Variants in PDS5B observed in about 807,000 individuals in gnomAD.
PDS5B encodes sister chromatid cohesion protein PDS5 homolog B.
In PDS5B, 51 loss-of-function variants were observed where a neutral mutation model predicts 184.1. That is an observed-to-expected ratio of 0.28 (90% CI 0.22 to 0.35). The LOEUF (loss-of-function observed/expected upper bound fraction) is 0.35, where lower values mean the gene tolerates loss of function less well. Ranked by LOEUF, PDS5B falls within the 10% of genes least tolerant of loss-of-function variation. PDS5B has a pLI of 1.00. For synonymous variants in PDS5B, 566 were observed against 569.2 expected (o/e 0.99, Z 0.08); for missense variants, 1,180 against 1,723.3 (o/e 0.68, Z 5.58).
intron 15 of PDS5B, among the ~76,000 whole-genome samples, chr13:32,698,728 A>T (rs1267037579): frequency 6.6e-6 from 1 of 151,676 alleles, no homozygotes; most frequent in African/African-American, 2.4e-5. Context: ...TCGAATTTCT[A>T]CTACTATTTC....
chr13:32,760,594 T>C lies in PDS5B; in HGVS notation c.3392T>C (p.Leu1131Pro). 1 of 1,614,016 alleles carries C rather than the reference T, an allele frequency of 6.2e-7. No homozygotes were observed. Among genetic ancestry groups the C allele is most frequent in the Non-Finnish European group, 8.5e-7 (1 of 1,179,916 alleles). The stretch of plus-strand genomic sequence containing the variant: ...TTTCAGCCTAAAACAACCAATGTTC[T>C]AGGAGCTGTTAACAAGCCACTTTCA... ...TPGKPKTTNVLGAVNKPLSSA... is the reference protein window; with the variant it reads ...TPGKPKTTNVPGAVNKPLSSA... The change falls in exon 30 of 35, where the codon CTA (leucine) becomes CCA (proline). Residue 1131 changes from leucine to proline, a missense_variant. Physicochemically the swap from Leu to Pro is moderately conservative, Grantham distance 98 (BLOSUM62 -3). Coordinates refer to ENST00000315596, the MANE Select transcript of PDS5B (RefSeq NM_015032.4).
chr13:32,723,736 A>G (rs1311072451), intron 19 of PDS5B, among the ~76,000 whole-genome samples: 1 of 152,218 alleles, frequency 6.6e-6, no homozygotes, highest in Non-Finnish European at 1.5e-5. Flanking sequence ...AATCTGATTT[A>G]TGAGAAGATA....
At chr13:32,774,953 A>G in intron 34 of PDS5B, 64 bp from the exon 35 acceptor site, 3 of 1,324,392 alleles carry the variant, frequency 2.3e-6, no homozygotes, top group South Asian at 2.5e-5. Context: ...GTTAAAAATG[A>G]TTACTGCATA....
intron 23 of PDS5B, among the ~76,000 whole-genome samples, chr13:32,744,292 T>TA (rs1422965367): frequency 6.6e-6 from 1 of 152,204 alleles, no homozygotes; most frequent in African/African-American, 2.4e-5. Flanking sequence ...TAATGTCACT[T>TA]ATGCTGTGTT....
At chr13:32,676,757 C>A (rs1342346488) in intron 9 of PDS5B, among the ~76,000 whole-genome samples, 2 of 151,760 alleles carry the variant, frequency 1.3e-5, no homozygotes, top group Non-Finnish European at 2.9e-5. Context: ...CGGTGAAACC[C>A]AGTCTCTATT....
Position 32,678,854 on chromosome 13 carries a change from C to G in PDS5B, c.982C>G (p.Pro328Ala). The G allele has an allele frequency of 6.2e-7, 1 of 1,601,948 alleles. No homozygotes were observed. Residue 328 changes from proline (P) to alanine (A), a missense_variant, in exon 10 of 35, where the codon CCA (proline) becomes GCA (alanine). Transcript: ENST00000315596. ...TATCAGGTTTAATGATATCCATGTA[C>G]CAATCCGCCTGGAATGTGTGAAATT... ...YLGRFNDIHV[P>A]IRLECVKFAS...
Position 32,667,850 on chromosome 13 carries a change from TCTTA to T in PDS5B, c.705+10_705+13del. 2 of 1,513,146 alleles carry T rather than the reference TCTTA, an allele frequency of 1.3e-6. No individual in the cohort carries two copies. The highest frequency in any genetic ancestry group is 1.8e-6 in the Non-Finnish European group (2 of 1,118,068). 93.7% of individuals were successfully genotyped at this position (1,513,146 alleles called of 1,614,324 possible). ...TTGAGCCATATATTACCAATGTAAG[TCTTA>T]CTTGTAATTGGTTGTCAGAAGGATT... On this transcript the variant is annotated splice_region_variant and intron_variant, in intron 7 of 34. Coordinates refer to ENST00000315596, the MANE Select transcript of PDS5B (RefSeq NM_015032.4).
At chr13:32,680,563 A>T (rs1951211115) in intron 10 of PDS5B, among the ~76,000 whole-genome samples, 1 of 152,166 alleles carries the variant, frequency 6.6e-6, no homozygotes, top group Non-Finnish European at 1.5e-5. Context: ...CATGCCCTCA[A>T]CCGTTTGGGG....
intron 33 of PDS5B, chr13:32,771,218 C>T: frequency 6.4e-6 from 1 of 155,234 alleles, no homozygotes; most frequent in East Asian, 1.9e-4. Context: ...AAATTATATC[C>T]ATAGAAATTA....
rs538701132 is a variant in PDS5B at position 32,612,363 on chromosome 13, C to T, written c.-20+25770C>T. Among the ~76,000 whole-genome samples, 11 of 152,204 alleles carry T rather than the reference C, an allele frequency of 7.2e-5. No homozygotes were observed. In the South Asian group the frequency reaches 8.3e-4, roughly 11 times the overall value. On this transcript the variant is annotated intron_variant, in intron 1 of 34. Transcript: ENST00000315596. ...GATTACAGACGTGAGCCACCATGCC[C>T]GGCCCACATTGTTTTTTTAAGAACA...
At chr13:32,735,444 T>A in intron 21 of PDS5B, 114 bp downstream of exon 21, 1 of 693,032 alleles carries the variant, frequency 1.4e-6, no homozygotes, top group East Asian at 2.8e-5. Flanking sequence ...TGCCTTGATT[T>A]TAGGTTTTCC....
intron 24 of PDS5B, among the ~76,000 whole-genome samples, chr13:32,752,022 T>TA (rs1258459748): frequency 6.6e-6 from 1 of 152,066 alleles, no homozygotes; most frequent in African/African-American, 2.4e-5. Flanking sequence ...AAGAAATTGT[T>TA]ACAATAGTAA....
chr13:32,772,181 C>T (rs114739031), intron 33 of PDS5B, among the ~76,000 whole-genome samples: 288 of 152,048 alleles, frequency 1.9e-3, no homozygotes, highest in African/African-American at 6.7e-3. Flanking sequence ...TTGGTTCGAG[C>T]GTGAGTTAAA....
chr13:32,683,311 TA>T (rs1035152894), intron 10 of PDS5B, among the ~76,000 whole-genome samples: 5 of 149,126 alleles, frequency 3.4e-5, no homozygotes, highest in African/African-American at 7.4e-5. Context: ...GCCTGGCCTT[TA>T]AAATTTTTTT....
intron 19 of PDS5B, among the ~76,000 whole-genome samples, chr13:32,717,020 G>A (rs1157355661): frequency 7.2e-6 from 1 of 137,970 alleles, no homozygotes; most frequent in Middle Eastern, 3.6e-3. Flanking sequence ...AGGGAGGTGG[G>A]GGGGTCAGCC....
At chr13:32,702,375 A>G (rs1951887347) in intron 17 of PDS5B, among the ~76,000 whole-genome samples, 2 of 152,316 alleles carry the variant, frequency 1.3e-5, no homozygotes, top group Admixed American at 6.5e-5. Context: ...TATTTGTAAG[A>G]GGAAGACTCT....
intron 11 of PDS5B, among the ~76,000 whole-genome samples, chr13:32,686,489 G>A (rs1385872136): frequency 1.3e-5 from 2 of 152,084 alleles, no homozygotes; most frequent in Non-Finnish European, 2.9e-5. Context: ...GTCTTTTAAT[G>A]TTTGGTTTCT....
intron 19 of PDS5B, among the ~76,000 whole-genome samples, chr13:32,718,889 G>T (rs1952571993): frequency 2.0e-5 from 3 of 152,242 alleles, no homozygotes; most frequent in Middle Eastern, 3.4e-3. Context: ...ATGGTGGATG[G>T]GGGGATATAA....
intron 19 of PDS5B, among the ~76,000 whole-genome samples, chr13:32,725,171 A>G (rs1566377309): frequency 1.3e-5 from 2 of 152,214 alleles, no homozygotes; most frequent in African/African-American, 2.4e-5. Context: ...TAGGAAAGGC[A>G]GAATAAATGC....
Sources: gnomAD v4.1 joint callset for allele counts (sites outside exome capture counted in the v4.1 genomes callset) on GRCh38, gnomAD v4.1.1 for gene constraint, MANE v1.5 for transcripts, NCBI Gene and HGNC (gene_info 2026-07-23, HGNC 2026-07-21) for gene names.